RSPO2: variants seen among roughly 807,000 people sequenced by gnomAD.
The protein encoded by RSPO2 is R-spondin-2.
A neutral mutation model predicts 30.9 loss-of-function variants in RSPO2; 14 were observed. The ratio of observed to expected loss-of-function variants is 0.45; its 90% CI spans 0.30 to 0.71. The LOEUF is 0.71. Among genes scored for constraint, RSPO2 ranks in the 30% least tolerant of loss-of-function variants. The probability of loss-of-function intolerance (pLI) is 0.08; values close to 1 mark genes in which losing one functional copy is unlikely to be tolerated. For synonymous variants in RSPO2, 107 were observed against 96.4 expected, an observed-to-expected ratio of 1.11 and a Z score of -0.64; for missense variants, 264 against 301.9, an observed-to-expected ratio of 0.87 and a Z score of 0.93.
intron 2 of RSPO2, among the ~76,000 whole-genome samples, chr8:108,041,806 C>G (rs1811767051): frequency 6.6e-6 from 1 of 151,988 alleles, no homozygotes. Context: ...TAAATCCCAA[C>G]TGAGACCAAA....
rs1468343162 is a variant in RSPO2 at position 107,989,071 on chromosome 8, T to C, written c.268A>G (p.Met90Val). 6.2e-7 allele frequency: 1 copy of C among 1,608,086 alleles called. No individual in the cohort carries two copies. ...SGYYGHRAPD[M>V]NRCARCRIEN... ...AAATGCTCACTTGCACATCTGTTCA[T>C]ATCTGGGGCTCGGTGTCCATAGTAC... Residue 90 changes from methionine (M) to valine (V), a missense_variant, in exon 3 of 6, where the codon ATG becomes GTG. By Grantham distance (21) the Met-to-Val change is conservative. Transcript: ENST00000276659.
At chr8:108,048,365 G>C (rs187372443) in intron 2 of RSPO2, among the ~76,000 whole-genome samples, 1 of 151,404 alleles carries the variant, frequency 6.6e-6, no homozygotes, top group African/African-American at 2.4e-5. Context: ...TAGCATTATA[G>C]CTGCAACTAG....
intron 5 of RSPO2, among the ~76,000 whole-genome samples, chr8:107,940,719 G>A (rs1052291852): frequency 2.6e-5 from 4 of 152,090 alleles, no homozygotes; most frequent in Admixed American, 2.6e-4. Context: ...GAAAGCTAAA[G>A]AACCCCTTCC....
intron 3 of RSPO2, among the ~76,000 whole-genome samples, chr8:107,974,527 A>G (rs1002846340): frequency 6.6e-6 from 1 of 152,104 alleles, no homozygotes; most frequent in Non-Finnish European, 1.5e-5. Flanking sequence ...CAAAAGAAAG[A>G]AAGAGACAGA....
chr8:107,910,615 A>T (rs1253778723), intron 5 of RSPO2, among the ~76,000 whole-genome samples: 1 of 152,176 alleles, frequency 6.6e-6, no homozygotes, highest in African/African-American at 2.4e-5. Flanking sequence ...TTAACACAAG[A>T]TAATATGAGG....
At chr8:108,014,528 G>C (rs537015248) in intron 2 of RSPO2, among the ~76,000 whole-genome samples, 12 of 152,300 alleles carry the variant, frequency 7.9e-5, no homozygotes, top group African/African-American at 2.9e-4. Flanking sequence ...AAAAGGATGA[G>C]TTCATGTCCT....
At chr8:108,034,085 G>T (rs984779625) in intron 2 of RSPO2, among the ~76,000 whole-genome samples, 2 of 152,048 alleles carry the variant, frequency 1.3e-5, no homozygotes, top group South Asian at 4.2e-4. Flanking sequence ...AAAGTGCATC[G>T]GATCGCTCAT....
At chr8:107,962,095 T>G (rs952912026) in intron 3 of RSPO2, among the ~76,000 whole-genome samples, 1 of 152,216 alleles carries the variant, frequency 6.6e-6, no homozygotes, top group Non-Finnish European at 1.5e-5. Flanking sequence ...TAAAGTGCTA[T>G]GAAAACTCTG....
At chr8:108,068,019 A>G (rs1407762782) in intron 2 of RSPO2, among the ~76,000 whole-genome samples, 2 of 152,072 alleles carry the variant, frequency 1.3e-5, no homozygotes, top group Non-Finnish European at 2.9e-5. Context: ...CAGTGAGCTG[A>G]GACCACGCCA....
At chr8:107,918,462 A>G (rs1317178206) in intron 5 of RSPO2, among the ~76,000 whole-genome samples, 2 of 152,062 alleles carry the variant, frequency 1.3e-5, no homozygotes, top group Non-Finnish European at 2.9e-5. Flanking sequence ...AGTCACTAAG[A>G]CCCTCTTGAG....
intron 2 of RSPO2, among the ~76,000 whole-genome samples, chr8:108,070,713 T>C (rs1277244285): frequency 6.6e-6 from 1 of 152,094 alleles, no homozygotes; most frequent in Non-Finnish European, 1.5e-5. Flanking sequence ...GCTCTTACAG[T>C]GTGAAAGGTC....
intron 3 of RSPO2, among the ~76,000 whole-genome samples, chr8:107,973,617 A>G (rs900072514): frequency 1.3e-5 from 2 of 152,054 alleles, no homozygotes; most frequent in African/African-American, 4.8e-5. Flanking sequence ...AACAGCCATA[A>G]TTTCACATGC....
chr8:108,010,485 A>G (rs1243503226), intron 2 of RSPO2, among the ~76,000 whole-genome samples: 1 of 152,170 alleles, frequency 6.6e-6, no homozygotes, highest in African/African-American at 2.4e-5. Flanking sequence ...TGTCCTCTTG[A>G]GCCCGAAGCA....
At chr8:108,076,048 G>A (rs1301917230) in intron 2 of RSPO2, among the ~76,000 whole-genome samples, 1 of 152,152 alleles carries the variant, frequency 6.6e-6, no homozygotes, top group African/African-American at 2.4e-5. Flanking sequence ...AAACTATGAG[G>A]GAATAATTGA....
At chr8:108,007,290 T>C (rs1271753296) in intron 2 of RSPO2, among the ~76,000 whole-genome samples, 2 of 152,180 alleles carry the variant, frequency 1.3e-5, no homozygotes, top group African/African-American at 4.8e-5. Flanking sequence ...GCCACACAGA[T>C]TCACCATTTT....
intron 5 of RSPO2, among the ~76,000 whole-genome samples, chr8:107,938,636 T>C (rs1198245358): frequency 6.6e-6 from 1 of 152,076 alleles, no homozygotes; most frequent in Non-Finnish European, 1.5e-5. Flanking sequence ...AAGGAGTCCC[T>C]CCCAAGAGGC....
At chr8:108,035,069 GAA>G (rs1563573079) in intron 2 of RSPO2, among the ~76,000 whole-genome samples, 1 of 152,150 alleles carries the variant, frequency 6.6e-6, no homozygotes, top group East Asian at 1.9e-4. Context: ...AGTAGGAAGA[GAA>G]AAAAGAGCTG....
intron 2 of RSPO2, among the ~76,000 whole-genome samples, chr8:108,048,309 G>T (rs1811969897): frequency 6.6e-6 from 1 of 151,762 alleles, no homozygotes; most frequent in Admixed American, 6.6e-5. Context: ...GTGGAGCTAA[G>T]CTGTCAACCT....
In RSPO2 at chr8:107,948,964, C is replaced by CT. The variant is rs34697845; in HGVS notation, c.616+9115dup. 4.2e-3 allele frequency among the ~76,000 whole-genome samples: 579 copies of CT among 139,042 alleles called. 3 individuals carry two copies. Among genetic ancestry groups the CT allele is most frequent in the South Asian group, 0.016 (72 of 4,384 alleles). The allele number at this position is 139,042 out of a possible 152,430, so 91.2% of individuals were successfully genotyped here. ...CCCCTGCAATATAATAGGTCTGCAC[C>CT]TTTTTTTTTTTTTTTGGTTCAAATT... On this transcript the variant is annotated intron_variant, in intron 5 of 5. Transcript: ENST00000276659.
Sources: gnomAD v4.1 joint callset for allele counts (sites outside exome capture counted in the v4.1 genomes callset) on GRCh38, gnomAD v4.1.1 for gene constraint, MANE v1.5 for transcripts, NCBI Gene and HGNC (gene_info 2026-07-23, HGNC 2026-07-21) for gene names.